TMEM178B: variants seen among roughly 807,000 people sequenced by gnomAD.
TMEM178B encodes the protein transmembrane protein 178B.
TMEM178B carries 5 observed loss-of-function variants against 31.0 expected under a neutral mutation model. The ratio of observed to expected loss-of-function variants is 0.16; its 90% CI spans 0.08 to 0.34. The LOEUF (loss-of-function observed/expected upper bound fraction) is 0.34, where lower values mean the gene tolerates loss of function less well. Among genes scored for constraint, TMEM178B ranks in the 10% least tolerant of loss-of-function variants. The probability of loss-of-function intolerance (pLI) is 1.00; values close to 1 mark genes in which losing one functional copy is unlikely to be tolerated. For missense variants in TMEM178B, 275 were observed against 400.3 expected (o/e 0.69, Z 2.67); for synonymous variants, 164 against 164.0 (o/e 1.00, Z 0.00).
At chr7:141,352,592 G>C (rs1355537562) in intron 2 of TMEM178B, 2 of 152,164 alleles carry the variant, frequency 1.3e-5, no homozygotes, top group Non-Finnish European at 2.9e-5. Context: ...ACATTGGTCA[G>C]GCTGGTCTCA....
At chr7:141,275,472 C>T (rs1056851513) in intron 2 of TMEM178B, among the ~76,000 whole-genome samples, 1 of 152,156 alleles carries the variant, frequency 6.6e-6, no homozygotes, top group Non-Finnish European at 1.5e-5. Flanking sequence ...GATGAAAGGG[C>T]ACTGATGTCC....
At chr7:141,369,857 T>C (rs1257554761) in intron 2 of TMEM178B, among the ~76,000 whole-genome samples, 1 of 152,154 alleles carries the variant, frequency 6.6e-6, no homozygotes, top group East Asian at 1.9e-4. Flanking sequence ...AGTGGGGAAA[T>C]ATTCTATTGC....
chr7:141,246,390 T>G (rs1314835053), intron 2 of TMEM178B, among the ~76,000 whole-genome samples: 2 of 152,214 alleles, frequency 1.3e-5, no homozygotes, highest in Non-Finnish European at 2.9e-5. Context: ...TCAGGTTCAG[T>G]ACGATGTTTC....
intron 2 of TMEM178B, among the ~76,000 whole-genome samples, chr7:141,258,590 A>G (rs1378741226): frequency 6.6e-6 from 1 of 152,012 alleles, no homozygotes; most frequent in African/African-American, 2.4e-5. Context: ...GCCCAATGTC[A>G]TTTCCTTTCA....
At chr7:141,390,995 C>T (rs560884010) in intron 2 of TMEM178B, among the ~76,000 whole-genome samples, 3 of 152,194 alleles carry the variant, frequency 2.0e-5, no homozygotes, top group Admixed American at 1.3e-4. Context: ...CTGAGCTTGA[C>T]GCAGAAAGTG....
intron 2 of TMEM178B, among the ~76,000 whole-genome samples, chr7:141,238,792 A>C (rs1179923384): frequency 1.3e-5 from 2 of 152,162 alleles, no homozygotes; most frequent in African/African-American, 4.8e-5. Flanking sequence ...CAACAGCGAG[A>C]GTGCTGCTGG....
chr7:141,267,826 A>G (rs1264634010), intron 2 of TMEM178B, among the ~76,000 whole-genome samples: 1 of 152,094 alleles, frequency 6.6e-6, no homozygotes, highest in African/African-American at 2.4e-5. Context: ...CTCATCATAT[A>G]ATTGGGGGAT....
intron 1 of TMEM178B, among the ~76,000 whole-genome samples, chr7:141,129,251 G>A (rs1316572084): frequency 6.6e-6 from 1 of 152,180 alleles, no homozygotes; most frequent in East Asian, 1.9e-4. Context: ...GATAGAGGAG[G>A]TCCAGCATTC....
chr7:141,167,558 T>A (rs771882448), intron 1 of TMEM178B, among the ~76,000 whole-genome samples: 2 of 152,236 alleles, frequency 1.3e-5, no homozygotes, highest in Non-Finnish European at 2.9e-5. Context: ...TGGATCTATG[T>A]CACTGACATC....
intron 3 of TMEM178B, among the ~76,000 whole-genome samples, chr7:141,458,317 A>G (rs1004118911): frequency 6.6e-6 from 1 of 152,110 alleles, no homozygotes; most frequent in Non-Finnish European, 1.5e-5. Context: ...ACTGGTTGAG[A>G]TATGAGCCTA....
intron 3 of TMEM178B, among the ~76,000 whole-genome samples, chr7:141,454,750 G>C (rs888514459): frequency 3.9e-5 from 6 of 151,980 alleles, no homozygotes; most frequent in Non-Finnish European, 7.4e-5. Flanking sequence ...TGTGGCCATG[G>C]GACAATGGAA....
At chr7:141,414,038 G>C (rs1297430460) in intron 2 of TMEM178B, among the ~76,000 whole-genome samples, 1 of 147,212 alleles carries the variant, frequency 6.8e-6, no homozygotes, top group East Asian at 2.0e-4. Flanking sequence ...TTCATGTCTA[G>C]TTTTTTCCAA....
At chr7:141,119,285 G>A (rs1795371671) in intron 1 of TMEM178B, among the ~76,000 whole-genome samples, 1 of 152,122 alleles carries the variant, frequency 6.6e-6, no homozygotes, top group Admixed American at 6.5e-5. Flanking sequence ...GGGGATGGGG[G>A]CATTAATTAC....
intron 2 of TMEM178B, among the ~76,000 whole-genome samples, chr7:141,246,603 C>T (rs944516805): frequency 2.6e-5 from 4 of 151,912 alleles, no homozygotes; most frequent in East Asian, 1.9e-4. Context: ...CTGGAGGAGG[C>T]GGATCAAGAA....
intron 1 of TMEM178B, among the ~76,000 whole-genome samples, chr7:141,110,530 T>A (rs1368322051): frequency 1.3e-5 from 2 of 152,208 alleles, no homozygotes; most frequent in Admixed American, 6.5e-5. Context: ...GCTGTTTGGA[T>A]GTGAGCACTT....
chr7:141,438,013 T>A (rs570928536), intron 3 of TMEM178B, among the ~76,000 whole-genome samples: 1 of 152,268 alleles, frequency 6.6e-6, no homozygotes, highest in East Asian at 1.9e-4. Flanking sequence ...CTTACGGAGA[T>A]GATCATGAGA....
chr7:141,215,390 A>G (rs916860386), intron 2 of TMEM178B, among the ~76,000 whole-genome samples: 2 of 150,696 alleles, frequency 1.3e-5, no homozygotes, highest in Non-Finnish European at 2.9e-5. Flanking sequence ...CAGTGGCACA[A>G]TCTTGGCTCA....
intron 2 of TMEM178B, among the ~76,000 whole-genome samples, chr7:141,391,916 A>C (rs1339491497): frequency 6.6e-6 from 1 of 152,156 alleles, no homozygotes; most frequent in Non-Finnish European, 1.5e-5. Context: ...CATTTTGTTT[A>C]TCCATTCATC....
At position 141,200,931 on chromosome 7, in the gene TMEM178B, G is replaced by A. The variant is rs991401190; in HGVS notation, c.383-11660G>A. ...GGAAAGATTTTAGCAATGGCTTGGC[G>A]AGGATGGGGATGGCCTGCTGATGCA... On this transcript the variant is annotated intron_variant, in intron 1 of 3. Coordinates refer to ENST00000565468, the MANE Select transcript of TMEM178B (RefSeq NM_001195278.2). Among the ~76,000 whole-genome samples, 2 of 152,290 alleles carry A rather than the reference G, an allele frequency of 1.3e-5. 1 individual carries two copies. Among genetic ancestry groups the A allele is most frequent in the South Asian group, 4.1e-4 (2 of 4,826 alleles).
Sources: gnomAD v4.1 joint callset for allele counts (sites outside exome capture counted in the v4.1 genomes callset) on GRCh38, gnomAD v4.1.1 for gene constraint, MANE v1.5 for transcripts, NCBI Gene and HGNC (gene_info 2026-07-23, HGNC 2026-07-21) for gene names.